The following NELL1 variants were observed in gnomAD, a reference collection of about 807,000 sequenced individuals.
The protein encoded by NELL1 is protein kinase C-binding protein NELL1.
A neutral mutation model predicts 107.4 loss-of-function variants in NELL1; 76 were observed. The ratio of observed to expected loss-of-function variants is 0.71; its 90% CI spans 0.59 to 0.86. The LOEUF is 0.86. NELL1 is among the 40% of genes least tolerant of loss of function. The pLI, the probability that NELL1 is intolerant of heterozygous loss-of-function variation, is 0.00. For synonymous variants in NELL1, 353 were observed against 341.2 expected (o/e 1.03, Z -0.38); for missense variants, 1,024 against 1,005.5 (o/e 1.02, Z -0.25).
At chr11:21,259,202 A>T (rs1858843957) in intron 14 of NELL1, among the ~76,000 whole-genome samples, 1 of 151,900 alleles carries the variant, frequency 6.6e-6, no homozygotes, top group South Asian at 2.1e-4. Flanking sequence ...CATGAATGAG[A>T]CACCATCTCC....
chr11:20,976,567 A>T (rs934078830), intron 12 of NELL1, among the ~76,000 whole-genome samples: 1 of 152,196 alleles, frequency 6.6e-6, no homozygotes, highest in African/African-American at 2.4e-5. Flanking sequence ...AAATATGTTT[A>T]GAACATTTTA....
chr11:21,518,912 T>G (rs186161934), intron 15 of NELL1, among the ~76,000 whole-genome samples: 106 of 152,338 alleles, frequency 7.0e-4, no homozygotes, highest in African/African-American at 2.5e-3. Flanking sequence ...TCTCAAGTAA[T>G]TGTGACTTAA....
intron 13 of NELL1, among the ~76,000 whole-genome samples, chr11:21,172,432 AT>A (rs1221912319): frequency 6.6e-6 from 1 of 151,814 alleles, no homozygotes; most frequent in Non-Finnish European, 1.5e-5. Context: ...GCAGGGCTGA[AT>A]TTCCGTTGAT....
chr11:21,108,473 A>G (rs1855023400), intron 12 of NELL1, among the ~76,000 whole-genome samples: 1 of 152,164 alleles, frequency 6.6e-6, no homozygotes, highest in Non-Finnish European at 1.5e-5. Context: ...ACCTCAAAAG[A>G]CCACCAGAAA....
Position 21,004,199 on chromosome 11 carries a change from C to T in NELL1, c.1300+43639C>T, listed in dbSNP as rs143250109. Among the ~76,000 whole-genome samples the T allele has an allele frequency of 4.2e-3, 636 of 152,014 alleles. 4 individuals are homozygous for T. Among genetic ancestry groups the T allele is most frequent in the African/African-American group, 0.013 (535 of 41,482 alleles). ...CTGGCTGTGCTGTGAGTTTGAGTGGCGGGGAATAGCTGTATTCATCTTTAT... is the reference window on the plus strand; with the variant it reads ...CTGGCTGTGCTGTGAGTTTGAGTGGTGGGGAATAGCTGTATTCATCTTTAT... On this transcript the variant is annotated intron_variant, in intron 12 of 19. Transcript: ENST00000357134.
At chr11:21,290,877 G>A (rs1050001961) in intron 14 of NELL1, among the ~76,000 whole-genome samples, 3 of 152,166 alleles carry the variant, frequency 2.0e-5, no homozygotes, top group South Asian at 2.1e-4. Flanking sequence ...AATCCATGAA[G>A]ATGAGGAAAA....
chr11:21,557,351 C>A (rs572105176), intron 16 of NELL1, among the ~76,000 whole-genome samples: 1 of 152,072 alleles, frequency 6.6e-6, no homozygotes, highest in South Asian at 2.1e-4. Context: ...TTATGCTCAG[C>A]CTTCTTAATT....
chr11:21,094,196 A>T (rs1854587680), intron 12 of NELL1, among the ~76,000 whole-genome samples: 1 of 152,216 alleles, frequency 6.6e-6, no homozygotes, highest in Admixed American at 6.5e-5. Context: ...GAAATTCATC[A>T]GGGCAGTCAA....
chr11:21,569,247 C>T (rs1384733502), intron 17 of NELL1, among the ~76,000 whole-genome samples: 2 of 151,986 alleles, frequency 1.3e-5, no homozygotes, highest in East Asian at 3.9e-4. Context: ...AACTACAACA[C>T]TTAAAACAAG....
chr11:20,805,191 A>G (rs1205030719), intron 3 of NELL1, among the ~76,000 whole-genome samples: 1 of 152,046 alleles, frequency 6.6e-6, no homozygotes, highest in East Asian at 1.9e-4. Context: ...TCTTGTAGGC[A>G]ACAGATTGTT....
chr11:21,151,665 C>G (rs749915042), intron 13 of NELL1, among the ~76,000 whole-genome samples: 12 of 152,158 alleles, frequency 7.9e-5, no homozygotes, highest in Admixed American at 1.3e-4. Context: ...TATAAAATAT[C>G]TTAGCACAGT....
intron 2 of NELL1, among the ~76,000 whole-genome samples, chr11:20,716,550 T>A (rs554441661): frequency 6.6e-6 from 1 of 152,350 alleles, no homozygotes; most frequent in Admixed American, 6.5e-5. Context: ...TCGATCCATG[T>A]CCATGTACGT....
intron 15 of NELL1, among the ~76,000 whole-genome samples, chr11:21,506,055 G>A (rs1855270467): frequency 6.6e-6 from 1 of 152,094 alleles, no homozygotes; most frequent in African/African-American, 2.4e-5. Context: ...GCTGAAAACT[G>A]ATTTAAAAAA....
At position 21,279,388 on chromosome 11, in the gene NELL1, C is replaced by T. The variant is rs1291635591; in HGVS notation, c.1549+49934C>T. 3.3e-5 allele frequency among the ~76,000 whole-genome samples: 5 copies of T among 151,936 alleles called. No homozygotes were observed. In the East Asian group the frequency reaches 5.8e-4, roughly 18 times the overall value. ...ACACATCTGATAAAGGACTGTTGTC[C>T]GAAATATACAAAGAACTCTTTAAAC... On this transcript the variant is annotated intron_variant, in intron 14 of 19. Transcript: ENST00000357134.
At chr11:21,409,415 A>G (rs1241824882) in intron 15 of NELL1, among the ~76,000 whole-genome samples, 1 of 151,628 alleles carries the variant, frequency 6.6e-6, no homozygotes, top group Non-Finnish European at 1.5e-5. Context: ...GGAACATCAC[A>G]CTCTGAGGAC....
intron 12 of NELL1, among the ~76,000 whole-genome samples, chr11:21,051,425 G>T (rs1015763135): frequency 6.6e-6 from 1 of 151,824 alleles, no homozygotes; most frequent in Non-Finnish European, 1.5e-5. Context: ...ACTATACATT[G>T]GGTACGTGTA....
intron 9 of NELL1, 25 bp from the exon 10 acceptor site, chr11:20,937,761 G>T: frequency 6.3e-7 from 1 of 1,595,758 alleles, no homozygotes; most frequent in South Asian, 1.1e-5. Context: ...AGGACTGTCT[G>T]ACCCATTTTT....
At chr11:20,748,082 TG>T (rs1856043766) in intron 2 of NELL1, among the ~76,000 whole-genome samples, 1 of 152,198 alleles carries the variant, frequency 6.6e-6, no homozygotes, top group Non-Finnish European at 1.5e-5. Flanking sequence ...TCAGTTCAGA[TG>T]CAAAACCTTC....
intron 14 of NELL1, among the ~76,000 whole-genome samples, chr11:21,266,460 C>T (rs989531359): frequency 6.6e-6 from 1 of 152,046 alleles, no homozygotes; most frequent in Non-Finnish European, 1.5e-5. Context: ...CAGTAATCTA[C>T]GTGGGCCCAT....
Sources: gnomAD v4.1 joint callset for allele counts (sites outside exome capture counted in the v4.1 genomes callset) on GRCh38, gnomAD v4.1.1 for gene constraint, MANE v1.5 for transcripts, NCBI Gene and HGNC (gene_info 2026-07-23, HGNC 2026-07-21) for gene names.